The following SEL1L2 variants were observed in gnomAD, a reference collection of about 807,000 sequenced individuals.
SEL1L2 encodes protein sel-1 homolog 2.
SEL1L2 carries 89 observed loss-of-function variants against 98.8 expected under a neutral mutation model. The ratio of observed to expected loss-of-function variants is 0.90; its 90% CI spans 0.76 to 1.07. The LOEUF (loss-of-function observed/expected upper bound fraction) is 1.07. Ranked by LOEUF, SEL1L2 falls within the 50% of genes least tolerant of loss-of-function variation. SEL1L2 has a pLI of 0.00. For missense variants in SEL1L2, 788 were observed against 812.0 expected, an observed-to-expected ratio of 0.97 and a Z score of 0.36; for synonymous variants, 262 against 278.5, an observed-to-expected ratio of 0.94 and a Z score of 0.59.
intron 17 of SEL1L2, 115 bp from the exon 18 acceptor site, chr20:13,859,549 C>A: frequency 2.2e-6 from 2 of 913,068 alleles, no homozygotes; most frequent in South Asian, 1.9e-5. Context: ...GTATCTATAG[C>A]CAAGTATAAA....
At chr20:13,979,393 A>G (rs2051700113) in intron 1 of SEL1L2, among the ~76,000 whole-genome samples, 1 of 152,238 alleles carries the variant, frequency 6.6e-6, no homozygotes, top group Non-Finnish European at 1.5e-5. Context: ...CGGAAAAGCT[A>G]GAAGAGAAGA....
At chr20:13,859,950 C>T (rs755932136) in intron 17 of SEL1L2, among the ~76,000 whole-genome samples, 3 of 152,200 alleles carry the variant, frequency 2.0e-5, no homozygotes, top group Non-Finnish European at 2.9e-5. Flanking sequence ...GTGATCCACC[C>T]GCCTTGGCCT....
intron 5 of SEL1L2, among the ~76,000 whole-genome samples, chr20:13,908,322 C>T (rs2048066906): frequency 6.6e-6 from 1 of 151,766 alleles, no homozygotes; most frequent in South Asian, 2.1e-4. Context: ...AGGATTCTCA[C>T]CATGTTGCCA....
At position 13,865,245 on chromosome 20, in the gene SEL1L2, A is replaced by G. The variant is rs1480725307; in HGVS notation, c.1571-4T>C. 1 of 1,613,286 alleles carries G rather than the reference A, an allele frequency of 6.2e-7. No individual in the cohort carries two copies. Among genetic ancestry groups the G allele is most frequent in the African/African-American group, 1.3e-5 (1 of 75,024 alleles). On this transcript the variant is annotated splice_polypyrimidine_tract_variant and splice_region_variant and intron_variant, in intron 16 of 19. Transcript: ENST00000284951. Reference sequence around the variant, plus strand: ...TTTTCAAGAATGTTAGCCTTTTCTAAAAAGAGGAGACATTCCATTAGGAAG... The same window carrying G: ...TTTTCAAGAATGTTAGCCTTTTCTAGAAAGAGGAGACATTCCATTAGGAAG...
chr20:13,977,450 G>A (rs781699455), intron 1 of SEL1L2, among the ~76,000 whole-genome samples: 2 of 152,194 alleles, frequency 1.3e-5, no homozygotes, highest in Non-Finnish European at 2.9e-5. Flanking sequence ...TCAATGAGCT[G>A]TTGGCGTTCT....
At chr20:13,898,248 G>A (rs1007539694) in intron 5 of SEL1L2, among the ~76,000 whole-genome samples, 3 of 152,152 alleles carry the variant, frequency 2.0e-5, no homozygotes, top group African/African-American at 7.2e-5. Flanking sequence ...CCTAACCCCT[G>A]TCCTGTGCAG....
intron 1 of SEL1L2, among the ~76,000 whole-genome samples, chr20:13,956,953 T>C (rs1311690387): frequency 2.0e-5 from 3 of 152,142 alleles, no homozygotes; most frequent in Non-Finnish European, 1.5e-5. Flanking sequence ...ATGTGATACA[T>C]TCACATTTCA....
At position 13,987,323 on chromosome 20, in the gene SEL1L2, T is replaced by G. The variant is rs1396335873; in HGVS notation, c.58+3154A>C. 8.1e-3 allele frequency among the ~76,000 whole-genome samples: 1,185 copies of G among 146,396 alleles called. 13 individuals carry two copies. The highest frequency in any genetic ancestry group is 0.025 in the African/African-American group (1,012 of 40,284). On this transcript the variant is annotated intron_variant, in intron 1 of 19. Transcript: ENST00000284951. ...TTGTTAATTTACTGTTTTTTTTTTT[T>G]TTTTTTTTGTTGTTGTTGTTGTTTT...
intron 5 of SEL1L2, among the ~76,000 whole-genome samples, chr20:13,907,924 C>T (rs1358675409): frequency 2.0e-5 from 3 of 147,600 alleles, no homozygotes; most frequent in African/African-American, 5.0e-5. Flanking sequence ...CATCCCGGCA[C>T]GTGCCAGCAC....
chr20:13,912,751 G>T (rs73900766), intron 5 of SEL1L2, among the ~76,000 whole-genome samples: 5,476 of 152,278 alleles, frequency 0.036, 176 homozygotes, highest in South Asian at 0.17. Flanking sequence ...CATTCTCAAT[G>T]TAACAACTCC....
At chr20:13,936,385 T>G (rs1600826009) in intron 2 of SEL1L2, among the ~76,000 whole-genome samples, 1 of 152,302 alleles carries the variant, frequency 6.6e-6, no homozygotes, top group East Asian at 1.9e-4. Context: ...TCTGCTAAGA[T>G]GTAGGCATAG....
At chr20:13,921,737 T>A (rs1481462931) in intron 3 of SEL1L2, among the ~76,000 whole-genome samples, 1 of 152,224 alleles carries the variant, frequency 6.6e-6, no homozygotes, top group Non-Finnish European at 1.5e-5. Flanking sequence ...GAACCGTTTT[T>A]CAAATTTTTC....
chr20:13,881,482 T>A (rs542500783), intron 10 of SEL1L2, among the ~76,000 whole-genome samples: 1 of 152,236 alleles, frequency 6.6e-6, no homozygotes. Flanking sequence ...ATTTTAATAA[T>A]ATTCACCCAA....
At chr20:13,865,038 T>C in intron 17 of SEL1L2, 129 bp downstream of exon 17, 1 of 701,082 alleles carries the variant, frequency 1.4e-6, no homozygotes, top group Non-Finnish European at 2.5e-6. Context: ...ATCAGTATAG[T>C]TTGAAATGTC....
chr20:13,939,040 G>GTTTTTTTTTTTTTTTTTTTTTTTTTT (rs386365633), intron 2 of SEL1L2, among the ~76,000 whole-genome samples: 2 of 114,086 alleles, frequency 1.8e-5, no homozygotes, highest in African/African-American at 6.9e-5. Context: ...TGCTTGTTTT[G>GTTTTTTTTTTTTTTTTTTTTTTTTTT]TTTTTTTTTT....
chr20:13,950,911 G>A (rs1331217928), intron 2 of SEL1L2, among the ~76,000 whole-genome samples: 1 of 152,154 alleles, frequency 6.6e-6, no homozygotes, highest in Non-Finnish European at 1.5e-5. Flanking sequence ...AGACAACTAG[G>A]TTTCAGTTAA....
At chr20:13,942,219 A>G (rs945286828) in intron 2 of SEL1L2, among the ~76,000 whole-genome samples, 5 of 152,236 alleles carry the variant, frequency 3.3e-5, no homozygotes, top group African/African-American at 4.8e-5. Context: ...GTTTCACAAA[A>G]GGGAGAAATG....
At chr20:13,881,259 G>A (rs1343356527) in intron 10 of SEL1L2, among the ~76,000 whole-genome samples, 1 of 152,122 alleles carries the variant, frequency 6.6e-6, no homozygotes, top group Non-Finnish European at 1.5e-5. Context: ...TGATCTGCCC[G>A]CCTCAGCTTC....
intron 18 of SEL1L2, among the ~76,000 whole-genome samples, chr20:13,856,272 G>A (rs895604165): frequency 6.6e-6 from 1 of 152,030 alleles, no homozygotes; most frequent in Admixed American, 6.6e-5. Flanking sequence ...TGGGACAATA[G>A]GCACATGCTA....
Sources: allele counts gnomAD v4.1 joint callset (sites outside exome capture counted in the v4.1 genomes callset), GRCh38; gene constraint gnomAD v4.1.1; transcripts MANE v1.5; gene names NCBI Gene and HGNC (gene_info 2026-07-23, HGNC 2026-07-21).